Variants in UNC13C observed in about 807,000 individuals in gnomAD.
The protein encoded by UNC13C is protein unc-13 homolog C.
A neutral mutation model predicts 245.4 loss-of-function variants in UNC13C; 174 were observed. That is an observed-to-expected ratio of 0.71 (90% CI 0.63 to 0.80). UNC13C has a LOEUF of 0.80. Among genes scored for constraint, UNC13C ranks in the 30% least tolerant of loss-of-function variants. The probability of loss-of-function intolerance (pLI) is 0.00; values close to 1 mark genes in which losing one functional copy is unlikely to be tolerated. For missense variants in UNC13C, 2,829 were observed against 2,602.9 expected, an observed-to-expected ratio of 1.09 and a Z score of -1.89; for synonymous variants, 992 against 895.1, an observed-to-expected ratio of 1.11 and a Z score of -1.93.
In UNC13C at chr15:54,014,918, C is replaced by T. The variant is rs753770557; in HGVS notation, c.2015C>T (p.Thr672Ile). The T allele has an allele frequency of 3.7e-6, 6 of 1,613,852 alleles. No individual in the cohort carries two copies. In the Admixed American group the frequency reaches 5.0e-5, roughly 13 times the overall value. ...GCTGATTTAGGCTTGGATTCATCCA[C>T]CCAGGAAGGTTTTGATTATGAAACA... is the stretch of plus-strand genomic sequence containing the variant. ...QGADLGLDSSTQEGFDYETNS... is the reference protein window; with the variant it reads ...QGADLGLDSSIQEGFDYETNS... The change falls in exon 2 of 33, where the codon ACC (threonine) becomes ATC (isoleucine). Residue 672 changes from threonine (T) to isoleucine (I), a missense_variant. By Grantham distance (89) the Thr-to-Ile change is moderately conservative. Coordinates refer to ENST00000260323, the MANE Select transcript of UNC13C (RefSeq NM_001080534.3).
chr15:54,022,240 A>G (rs1355163861), intron 2 of UNC13C, among the ~76,000 whole-genome samples: 2 of 152,144 alleles, frequency 1.3e-5, no homozygotes. Flanking sequence ...ATTCTCACCA[A>G]CACTTGTTAT....
intron 30 of UNC13C, among the ~76,000 whole-genome samples, chr15:54,602,060 T>G (rs1325521673): frequency 7.2e-6 from 1 of 138,556 alleles, no homozygotes; most frequent in Non-Finnish European, 1.6e-5. Context: ...CTTGGCCATT[T>G]TATTCTGGCA....
chr15:54,125,395 G>A (rs970432119), intron 2 of UNC13C, among the ~76,000 whole-genome samples: 1 of 152,080 alleles, frequency 6.6e-6, no homozygotes. Flanking sequence ...TCTGGGAGAC[G>A]GAGGTTGCGG....
chr15:54,360,476 C>G (rs772887728), intron 17 of UNC13C, among the ~76,000 whole-genome samples: 1 of 151,960 alleles, frequency 6.6e-6, no homozygotes, highest in South Asian at 2.1e-4. Flanking sequence ...TTTTTAGGTG[C>G]TCTGATATTG....
chr15:54,558,944 C>G (rs1335759451), intron 29 of UNC13C, among the ~76,000 whole-genome samples: 1 of 151,950 alleles, frequency 6.6e-6, no homozygotes, highest in Non-Finnish European at 1.5e-5. Context: ...ATGAGATTCC[C>G]CTAAATGTAG....
intron 2 of UNC13C, among the ~76,000 whole-genome samples, chr15:54,117,021 T>C (rs1316453907): frequency 1.3e-5 from 2 of 152,216 alleles, no homozygotes; most frequent in Non-Finnish European, 2.9e-5. Context: ...TCCCTGATGA[T>C]TGGAGATGTT....
At chr15:54,144,975 C>T (rs1035201369) in intron 4 of UNC13C, among the ~76,000 whole-genome samples, 1 of 151,248 alleles carries the variant, frequency 6.6e-6, no homozygotes, top group Admixed American at 6.6e-5. Context: ...GTTTTAAAAC[C>T]AAGACCGGGT....
At chr15:54,048,643 C>T (rs758069889) in intron 2 of UNC13C, 5 of 360,708 alleles carry the variant, frequency 1.4e-5, no homozygotes, top group Non-Finnish European at 2.2e-5. Context: ...TTAGCAACTG[C>T]CATAGCAGCT....
intron 17 of UNC13C, among the ~76,000 whole-genome samples, chr15:54,384,061 A>G (rs955691514): frequency 3.3e-5 from 5 of 152,202 alleles, no homozygotes; most frequent in African/African-American, 1.2e-4. Flanking sequence ...AAGAATTAAT[A>G]TTATTGAAAT....
At chr15:53,889,304 C>G in the UNC13C span, among the ~76,000 whole-genome samples, 2 of 152,080 alleles carry the variant, frequency 1.3e-5, no homozygotes. Context: ...TTTTAATTCT[C>G]TTAGTAGCAG....
chr15:53,841,527 A>G, the UNC13C span, among the ~76,000 whole-genome samples: 1 of 152,200 alleles, frequency 6.6e-6, no homozygotes, highest in Admixed American at 6.6e-5. Context: ...TAAAGAAGTT[A>G]GTAAAAAAAT....
In UNC13C at chr15:54,300,121, G is replaced by A. The variant is rs565984933; in HGVS notation, c.4105-89G>A. 2.4e-6 allele frequency: 3 copies of A among 1,253,190 alleles called. No homozygotes were observed. In the African/African-American group the frequency reaches 4.5e-5, roughly 19 times the overall value. The allele number at this position is 1,253,190 out of a possible 1,614,324, so 77.6% of individuals were successfully genotyped here. ...TGATGAAACATTAGAGGCAATGACA[G>A]TGCAAGAGCATTTTACTGGAAGTTT... is the stretch of plus-strand genomic sequence containing the variant. On this transcript the variant is annotated intron_variant, in intron 12 of 32. Transcript: ENST00000260323.
chr15:53,978,015 C>CT (rs1893767817), upstream of UNC13C, among the ~76,000 whole-genome samples: 1 of 152,174 alleles, frequency 6.6e-6, no homozygotes, highest in Admixed American at 6.5e-5. Context: ...ATACAGGGTC[C>CT]TGTTAGCTGC....
At chr15:53,992,402 G>A (rs1894432413) in intron 1 of UNC13C, among the ~76,000 whole-genome samples, 1 of 152,018 alleles carries the variant, frequency 6.6e-6, no homozygotes, top group Non-Finnish European at 1.5e-5. Context: ...AGGTCCAGGA[G>A]GTTGTTTGTG....
At chr15:54,557,291 T>C (rs1044174991) in intron 29 of UNC13C, among the ~76,000 whole-genome samples, 1 of 151,912 alleles carries the variant, frequency 6.6e-6, no homozygotes, top group East Asian at 2.0e-4. Flanking sequence ...ATGCCAACTC[T>C]TTCTCTAGGC....
intron 2 of UNC13C, among the ~76,000 whole-genome samples, chr15:54,127,119 A>C (rs936660358): frequency 2.0e-5 from 3 of 152,182 alleles, no homozygotes; most frequent in African/African-American, 4.8e-5. Flanking sequence ...AAAGTAAATT[A>C]ATTCGGTCAT....
chr15:54,186,912 A>C (rs1193458176), intron 4 of UNC13C, among the ~76,000 whole-genome samples: 1 of 149,702 alleles, frequency 6.7e-6, no homozygotes, highest in Admixed American at 6.8e-5. Context: ...GCAGTGGCAC[A>C]AACTTGGCTC....
chr15:54,078,727 T>C (rs1429574534), intron 2 of UNC13C, among the ~76,000 whole-genome samples: 2 of 152,108 alleles, frequency 1.3e-5, no homozygotes, highest in Admixed American at 1.3e-4. Flanking sequence ...ATGTTAGTCC[T>C]CTGTTGAGTG....
intron 2 of UNC13C, among the ~76,000 whole-genome samples, chr15:54,087,223 T>C (rs1033827484): frequency 1.3e-5 from 2 of 152,018 alleles, no homozygotes; most frequent in Non-Finnish European, 2.9e-5. Context: ...TGCAGTTTTT[T>C]TAAAAAAAAT....
Sources: gnomAD v4.1 joint callset for allele counts (sites outside exome capture counted in the v4.1 genomes callset) on GRCh38, gnomAD v4.1.1 for gene constraint, MANE v1.5 for transcripts, NCBI Gene and HGNC (gene_info 2026-07-23, HGNC 2026-07-21) for gene names.